Variants in PKP2 observed in about 807,000 individuals in gnomAD.
The protein encoded by PKP2 is plakophilin-2.
In PKP2, 73 loss-of-function variants were observed where a neutral mutation model predicts 83.4. The ratio of observed to expected loss-of-function variants is 0.88; its 90% CI spans 0.72 to 1.06. The LOEUF (loss-of-function observed/expected upper bound fraction) is 1.06. Among genes scored for constraint, PKP2 ranks in the 50% least tolerant of loss-of-function variants. PKP2 has a pLI of 0.00. For missense variants in PKP2, 966 were observed against 1,065.4 expected (o/e 0.91, Z 1.30); for synonymous variants, 409 against 430.4 (o/e 0.95, Z 0.62).
At chr12:32,866,550 C>CAAAAAAAAAA (rs56079220) in intron 4 of PKP2, among the ~76,000 whole-genome samples, 1 of 36,178 alleles carries the variant, frequency 2.8e-5, no homozygotes, top group African/African-American at 1.4e-4. Flanking sequence ...GATCCTTTCT[C>CAAAAAAAAAA]AAAAAAAAAA....
At chr12:32,809,607 T>C (rs1956258934) in intron 9 of PKP2, among the ~76,000 whole-genome samples, 1 of 152,222 alleles carries the variant, frequency 6.6e-6, no homozygotes, top group African/African-American at 2.4e-5. Context: ...TCTGTCACCT[T>C]GCTGGAAATT....
At chr12:32,858,269 A>G (rs1009863712) in intron 4 of PKP2, among the ~76,000 whole-genome samples, 1 of 149,930 alleles carries the variant, frequency 6.7e-6, no homozygotes, top group Admixed American at 6.7e-5. Context: ...ACACCACTGC[A>G]CTCCAGCCTG....
chr12:32,895,825 G>C (rs1210541240), intron 1 of PKP2, among the ~76,000 whole-genome samples: 1 of 152,220 alleles, frequency 6.6e-6, no homozygotes, highest in Non-Finnish European at 1.5e-5. Context: ...CCGCACTGGT[G>C]GGGGTAGGAA....
rs1199718331 is a variant in PKP2 at position 32,792,125 on chromosome 12, A to ATTAATG, written c.*293_*298dup. ...AACAGCTTCTTTCCTTATTTATTGG[A>ATTAATG]TTAATGTCCCTTCCACATGAATTCA... On this transcript the variant is annotated 3_prime_UTR_variant, in exon 13 of 13. Transcript: ENST00000340811. The ATTAATG allele has an allele frequency of 6.9e-6, 3 of 435,220 alleles. No individual in the cohort carries two copies. The highest frequency in any genetic ancestry group is 1.3e-5 in the Non-Finnish European group (3 of 236,274). 27.0% of individuals were successfully genotyped at this position (435,220 alleles called of 1,614,324 possible). A position where few individuals can be genotyped will look rare whatever the true frequency, so the allele number is the denominator to read the frequency against.
chr12:32,834,981 G>A (rs1956531875), intron 6 of PKP2, among the ~76,000 whole-genome samples: 1 of 139,826 alleles, frequency 7.2e-6, no homozygotes, highest in African/African-American at 2.6e-5. Context: ...ATAGGCGTGT[G>A]TGTGTGTGTG....
At chr12:32,822,431 TC>T in intron 8 of PKP2, 35 bp downstream of exon 8, 1 of 1,569,176 alleles carries the variant, frequency 6.4e-7, no homozygotes. Flanking sequence ...TCTCATTCTC[TC>T]CCTTTCTCAT....
At chr12:32,802,062 A>T (rs1956185228) in intron 10 of PKP2, among the ~76,000 whole-genome samples, 1 of 152,208 alleles carries the variant, frequency 6.6e-6, no homozygotes, top group Admixed American at 6.5e-5. Flanking sequence ...AGACAACTAT[A>T]TGGATTAGAA....
intron 9 of PKP2, chr12:32,820,135 A>G (rs1956362769): frequency 1.3e-5 from 2 of 152,242 alleles, no homozygotes; most frequent in Admixed American, 6.5e-5. Flanking sequence ...TGCTAAGGTA[A>G]GAGAAATATT....
chr12:32,890,860 T>C (rs1222215469), intron 1 of PKP2, among the ~76,000 whole-genome samples: 1 of 148,746 alleles, frequency 6.7e-6, no homozygotes, highest in Non-Finnish European at 1.5e-5. Flanking sequence ...CTCGGGAGGC[T>C]GAGGCAGGAA....
intron 10 of PKP2, 120 bp downstream of exon 10, chr12:32,802,283 A>G (rs1956188328): frequency 9.8e-7 from 1 of 1,015,880 alleles, no homozygotes; most frequent in African/African-American, 1.6e-5. Flanking sequence ...CCGGTTTATC[A>G]CCTACTCCTT....
At chr12:32,796,332 T>G (rs757258851) in intron 10 of PKP2, 34 bp from the exon 11 acceptor site, 6 of 1,533,412 alleles carry the variant, frequency 3.9e-6, no homozygotes, top group Non-Finnish European at 5.4e-6. Flanking sequence ...AACACTTGAT[T>G]AAAAAGATTG....
chr12:32,843,172 G>A lies in PKP2; in HGVS notation c.1379-1967C>T, dbSNP rs1174705216. 2.1e-6 allele frequency: 1 copy of A among 485,340 alleles called. No individual in the cohort carries two copies. Among genetic ancestry groups the A allele is most frequent in the Admixed American group, 2.2e-5 (1 of 44,646 alleles). 30.1% of individuals were successfully genotyped at this position (485,340 alleles called of 1,614,324 possible). ...TTTTTTTGTATTTTGAGTAGAGACA[G>A]GGGTCTCACCATGTTGGTCAGGCTG... On this transcript the variant is annotated intron_variant, in intron 5 of 12. Coordinates refer to ENST00000340811, the MANE Select transcript of PKP2 (RefSeq NM_001005242.3).
At chr12:32,837,118 G>A (rs971388135) in intron 6 of PKP2, among the ~76,000 whole-genome samples, 3 of 152,218 alleles carry the variant, frequency 2.0e-5, no homozygotes, top group Non-Finnish European at 2.9e-5. Flanking sequence ...TGCTGATACA[G>A]TGCCCATAAT....
chr12:32,814,829 G>A (rs972706403), intron 9 of PKP2, among the ~76,000 whole-genome samples: 3 of 152,022 alleles, frequency 2.0e-5, no homozygotes, highest in Non-Finnish European at 4.4e-5. Context: ...GGAGGCTGAG[G>A]TAGGAGAATC....
intron 5 of PKP2, among the ~76,000 whole-genome samples, chr12:32,848,754 A>T (rs947557920): frequency 6.6e-6 from 1 of 152,174 alleles, no homozygotes; most frequent in Non-Finnish European, 1.5e-5. Context: ...CACACAATAT[A>T]TCCATGTGAC....
In PKP2 at chr12:32,843,230, C is replaced by T. The variant is rs537458442; in HGVS notation, c.1379-2025G>A. On this transcript the variant is annotated intron_variant, in intron 5 of 12. Coordinates refer to ENST00000340811, the MANE Select transcript of PKP2 (RefSeq NM_001005242.3). ...ACTCCTGACCTCGTGATCCGCCCGC[C>T]TTGGCCTCCCAAAGTGCTGGGATTA... is the stretch of plus-strand genomic sequence containing the variant. The T allele has an allele frequency of 5.8e-5, 46 of 790,450 alleles. No individual in the cohort carries two copies. In the African/African-American group the frequency reaches 6.7e-4, roughly 12 times the overall value. 49.0% of individuals were successfully genotyped at this position (790,450 alleles called of 1,614,324 possible). A position where few individuals can be genotyped will look rare whatever the true frequency, so the allele number is the denominator to read the frequency against.
intron 3 of PKP2, among the ~76,000 whole-genome samples, chr12:32,873,462 A>G (rs984271198): frequency 6.6e-6 from 1 of 151,946 alleles, no homozygotes; most frequent in African/African-American, 2.4e-5. Context: ...GCACTTGATG[A>G]TATATCCTAT....
intron 1 of PKP2, among the ~76,000 whole-genome samples, chr12:32,886,574 T>C (rs184382150): frequency 6.6e-6 from 1 of 152,360 alleles, no homozygotes; most frequent in East Asian, 1.9e-4. Flanking sequence ...TACATATTTT[T>C]TAAAACTATA....
chr12:32,824,046 T>C lies in PKP2; in HGVS notation c.1673A>G (p.Lys558Arg). The C allele has an allele frequency of 2.0e-6, 3 of 1,532,850 alleles. No individual in the cohort carries two copies. Among genetic ancestry groups the C allele is most frequent in the East Asian group, 2.2e-5 (1 of 44,530 alleles). The allele number at this position is 1,532,850 out of a possible 1,614,324, so 95.0% of individuals were successfully genotyped here. A position where few individuals can be genotyped will look rare whatever the true frequency, so the allele number is the denominator to read the frequency against. Residue 558 changes from lysine to arginine, a missense_variant and splice_region_variant, in exon 7 of 13, where the codon AAG becomes AGG. Physicochemically the swap from Lys to Arg is conservative, Grantham distance 26. Coordinates refer to ENST00000340811, the MANE Select transcript of PKP2 (RefSeq NM_001005242.3). ...CAGGATATTTATCTCTTGAATTACCTTGTCATCTGGCTGGTAATCTGCAAT... is the reference window on the plus strand; with the variant it reads ...CAGGATATTTATCTCTTGAATTACCCTGTCATCTGGCTGGTAATCTGCAAT... Reference protein sequence around the residue: ...GTIADYQPDDKATENCVCILH... With the variant: ...GTIADYQPDDRATENCVCILH...
Sources: allele counts gnomAD v4.1 joint callset (sites outside exome capture counted in the v4.1 genomes callset), GRCh38; gene constraint gnomAD v4.1.1; transcripts MANE v1.5; gene names NCBI Gene and HGNC (gene_info 2026-07-23, HGNC 2026-07-21).